The following PCDHA8 variants were observed in gnomAD, a reference collection of about 807,000 sequenced individuals.
The protein encoded by PCDHA8 is protocadherin alpha-8.
Under a neutral mutation model 61.8 loss-of-function variants are expected in PCDHA8, and 53 were observed. The ratio of observed to expected loss-of-function variants is 0.86; its 90% CI spans 0.69 to 1.08. The LOEUF is 1.08. PCDHA8 is among the 50% of genes least tolerant of loss of function. The pLI, the probability that PCDHA8 is intolerant of heterozygous loss-of-function variation, is 0.00. For synonymous variants in PCDHA8, 618 were observed against 556.6 expected (o/e 1.11, Z -1.55); for missense variants, 1,293 against 1,245.0 (o/e 1.04, Z -0.58).
intron 3 of PCDHA8, chr5:140,989,054 A>G (rs1481333744): frequency 6.6e-6 from 1 of 152,214 alleles, no homozygotes; most frequent in African/African-American, 2.4e-5. Flanking sequence ...TGCCAGCTAC[A>G]TTGAGGCAAT....
chr5:140,912,343 A>AT (rs35252606), intron 1 of PCDHA8, among the ~76,000 whole-genome samples: 1,442 of 143,856 alleles, frequency 0.01, 7 homozygotes, highest in South Asian at 0.021. Flanking sequence ...TACACTAAGT[A>AT]TTTTTTTTTT....
chr5:140,967,334 A>T, intron 1 of PCDHA8: 1 of 1,608,228 alleles, frequency 6.2e-7, no homozygotes, highest in South Asian at 1.1e-5. Flanking sequence ...GCTCAGCCCC[A>T]GCGAGCACTT....
Position 140,850,277 on chromosome 5 carries a change from G to T in PCDHA8, c.2394+6562G>T, listed in dbSNP as rs1554144125. On this transcript the variant is annotated intron_variant, in intron 1 of 3. Coordinates refer to ENST00000531613, the MANE Select transcript of PCDHA8 (RefSeq NM_018911.3). ...GCGCCGGCGTAGTGGTGGGGAAGGT[G>T]CGCGCAGTGGACGCCGACTCGGGCT... is the stretch of plus-strand genomic sequence containing the variant. 2.5e-6 allele frequency: 4 copies of T among 1,595,522 alleles called. No homozygotes were observed. In the East Asian group the frequency reaches 8.9e-5, roughly 36 times the overall value.
intron 1 of PCDHA8, chr5:140,877,068 G>T: frequency 6.2e-7 from 1 of 1,613,122 alleles, no homozygotes; most frequent in African/African-American, 1.3e-5. Context: ...AGCTGCTGCA[G>T]TTCCAGGTGA....
chr5:140,963,386 A>G (rs189164274), intron 1 of PCDHA8, among the ~76,000 whole-genome samples: 2 of 152,344 alleles, frequency 1.3e-5, no homozygotes, highest in Admixed American at 1.3e-4. Flanking sequence ...CTCTGTGCCA[A>G]GCTCCCTACT....
At chr5:140,865,328 G>C (rs2048826529) in intron 1 of PCDHA8, 2 of 152,116 alleles carry the variant, frequency 1.3e-5, no homozygotes. Flanking sequence ...CTTTAATTCT[G>C]TGTAAAGAAA....
intron 1 of PCDHA8, chr5:140,857,829 G>A: frequency 1.9e-6 from 3 of 1,597,788 alleles, no homozygotes; most frequent in Non-Finnish European, 2.6e-6. Context: ...GCTAAGGTGC[G>A]CGCAGTGGAC....
At chr5:140,994,561 C>T (rs967006511) in intron 3 of PCDHA8, among the ~76,000 whole-genome samples, 2 of 151,800 alleles carry the variant, frequency 1.3e-5, no homozygotes, top group East Asian at 1.9e-4. Context: ...AAAAATTAGC[C>T]GGGTGTGGTG....
At chr5:140,967,643 A>G in intron 1 of PCDHA8, 1 of 1,614,164 alleles carries the variant, frequency 6.2e-7, no homozygotes, top group East Asian at 2.2e-5. Flanking sequence ...TGGTGAGCTC[A>G]GGTACTCCTT....
At chr5:140,924,901 A>AAAAATAAAAT (rs10667761) in intron 1 of PCDHA8, among the ~76,000 whole-genome samples, 205 of 80,488 alleles carry the variant, frequency 2.5e-3, no homozygotes, top group South Asian at 0.019. Flanking sequence ...TCTCAAAAAA[A>AAAAATAAAAT]AAAATAAAAT....
chr5:140,929,461 C>A, intron 1 of PCDHA8: 1 of 1,314,566 alleles, frequency 7.6e-7, no homozygotes, highest in Non-Finnish European at 1.0e-6. Context: ...CTTCCTGTGC[C>A]AAGAAATCTG....
At chr5:140,962,169 C>T (rs2095662298) in intron 1 of PCDHA8, among the ~76,000 whole-genome samples, 1 of 152,152 alleles carries the variant, frequency 6.6e-6, no homozygotes, top group Non-Finnish European at 1.5e-5. Flanking sequence ...GCCACCACAC[C>T]CGGCCACTTA....
intron 1 of PCDHA8, chr5:140,870,176 TACGAGAGG>T: frequency 6.2e-7 from 1 of 1,614,126 alleles, no homozygotes; most frequent in Non-Finnish European, 8.5e-7. Flanking sequence ...TCCCTCCCAG[TACGAGAGG>T]ACGCTCAGCC....
Position 140,858,751 on chromosome 5 carries a change from G to A in PCDHA8, c.2394+15036G>A, listed in dbSNP as rs938240146. On this transcript the variant is annotated intron_variant, in intron 1 of 3. Coordinates refer to ENST00000531613, the MANE Select transcript of PCDHA8 (RefSeq NM_018911.3). ...CGATTTACTTTCATAATCACTTTTC[G>A]TTACAAATATTTGTGAGATTAGTAC... 35 of 456,172 alleles carry A rather than the reference G, an allele frequency of 7.7e-5. 1 individual carries two copies. In the East Asian group the frequency reaches 9.6e-4, roughly 13 times the overall value. 28.3% of individuals were successfully genotyped at this position (456,172 alleles called of 1,614,324 possible).
intron 1 of PCDHA8, chr5:140,869,327 T>C: frequency 6.2e-7 from 1 of 1,613,922 alleles, no homozygotes; most frequent in Non-Finnish European, 8.5e-7. Context: ...GGGGACCTTC[T>C]GGAGGTAAAT....
chr5:140,874,141 T>C (rs1554167053), intron 1 of PCDHA8, among the ~76,000 whole-genome samples: 1 of 152,248 alleles, frequency 6.6e-6, no homozygotes, highest in South Asian at 2.1e-4. Context: ...TATCTTATAC[T>C]TGTAGAGCCA....
chr5:140,871,447 G>A, intron 1 of PCDHA8: 1 of 1,609,656 alleles, frequency 6.2e-7, no homozygotes, highest in Non-Finnish European at 8.5e-7. Context: ...TCTGAATAAA[G>A]AGGAGGAAGG....
chr5:140,873,153 C>T (rs2054129567), intron 1 of PCDHA8, among the ~76,000 whole-genome samples: 1 of 152,224 alleles, frequency 6.6e-6, no homozygotes, highest in East Asian at 1.9e-4. Flanking sequence ...TATTCATAGA[C>T]TTTAGATCGA....
intron 1 of PCDHA8, among the ~76,000 whole-genome samples, chr5:140,961,629 A>G (rs970820292): frequency 6.6e-6 from 1 of 152,162 alleles, no homozygotes; most frequent in Non-Finnish European, 1.5e-5. Flanking sequence ...CATATGAAAA[A>G]CAATCTTAAG....
Sources: gnomAD v4.1 joint callset for allele counts (sites outside exome capture counted in the v4.1 genomes callset) on GRCh38, gnomAD v4.1.1 for gene constraint, MANE v1.5 for transcripts, NCBI Gene and HGNC (gene_info 2026-07-23, HGNC 2026-07-21) for gene names.